The following PBRM1 variants were observed in gnomAD, a reference collection of about 807,000 sequenced individuals.
PBRM1 encodes the protein protein polybromo-1.
Under a neutral mutation model 194.5 loss-of-function variants are expected in PBRM1, and 27 were observed. That is an observed-to-expected ratio of 0.14 (90% CI 0.10 to 0.19). The LOEUF is 0.19. Among genes scored for constraint, PBRM1 ranks in the 10% least tolerant of loss-of-function variants. The pLI, the probability that PBRM1 is intolerant of heterozygous loss-of-function variation, is 1.00. For synonymous variants in PBRM1, 655 were observed against 693.2 expected, an observed-to-expected ratio of 0.94 and a Z score of 0.87; for missense variants, 1,466 against 2,077.2, an observed-to-expected ratio of 0.71 and a Z score of 5.72.
At chr3:52,627,056 T>G (rs1348676828) in intron 13 of PBRM1, among the ~76,000 whole-genome samples, 1 of 150,766 alleles carries the variant, frequency 6.6e-6, no homozygotes, top group Non-Finnish European at 1.5e-5. Context: ...AAGCTACATA[T>G]GTAGTAGTCA....
chr3:52,586,487 C>A, exon 20 of PBRM1: 1 of 1,614,154 alleles, frequency 6.2e-7, no homozygotes, highest in Non-Finnish European at 8.5e-7. Flanking sequence ...TTCTTCTCAT[C>A]ATCACCTTTA....
chr3:52,552,227 G>A (rs1401442603), intron 27 of PBRM1, among the ~76,000 whole-genome samples: 3 of 152,084 alleles, frequency 2.0e-5, no homozygotes, highest in Non-Finnish European at 2.9e-5. Context: ...TCCAGAACAC[G>A]GTGTGGCTCC....
chr3:52,658,022 AC>A (rs2096641883), intron 5 of PBRM1, among the ~76,000 whole-genome samples, 176 bp downstream of exon 6: 1 of 150,548 alleles, frequency 6.6e-6, no homozygotes, highest in South Asian at 2.1e-4. Context: ...CGAACTCCCA[AC>A]CTCAGATGAT....
In PBRM1 at chr3:52,632,726, T is replaced by A. The variant is rs370591753; in HGVS notation, c.1301+1876A>T. Among the ~76,000 whole-genome samples the A allele has an allele frequency of 1.5e-4, 23 of 150,202 alleles. No individual in the cohort carries two copies. In the East Asian group the frequency reaches 4.1e-3, roughly 27 times the overall value. The stretch of plus-strand genomic sequence containing the variant: ...TTTTAAGAGATGGAGTCTCACTCTG[T>A]CACCCAGGCTGGAGTGCAGTGGTGC... On this transcript the variant is annotated intron_variant, in intron 11 of 29. Transcript: ENST00000296302.
rs2092537312 is a variant in PBRM1 at position 52,587,342 on chromosome 3, G to A, written c.3123+11C>T. ...AATGAGTGAGACTTTGGGATTTAAT[G>A]AGTTTCTTACCTTGACAAACATGAC... On this transcript the variant is annotated intron_variant, in intron 19 of 29. Coordinates refer to ENST00000296302, the Ensembl canonical transcript of PBRM1. 3.2e-6 allele frequency: 5 copies of A among 1,579,726 alleles called. No individual in the cohort carries two copies. Among genetic ancestry groups the A allele is most frequent in the Admixed American group, 3.5e-5 (2 of 57,340 alleles).
chr3:52,676,649 G>C (rs1424083922), intron 2 of PBRM1, among the ~76,000 whole-genome samples: 1 of 152,186 alleles, frequency 6.6e-6, no homozygotes, highest in Non-Finnish European at 1.5e-5. Context: ...CTGCTGAAAA[G>C]ATACCCGAAA....
intron 22 of PBRM1, 28 bp from the exon 25 acceptor site, chr3:52,564,261 A>G: frequency 6.5e-7 from 1 of 1,549,618 alleles, no homozygotes. Flanking sequence ...AAAGAAATTA[A>G]AGGAGTAAAC....
At chr3:52,644,394 T>C (rs1455488322) in intron 8 of PBRM1, among the ~76,000 whole-genome samples, 1 of 148,852 alleles carries the variant, frequency 6.7e-6, no homozygotes, top group Non-Finnish European at 1.5e-5. Context: ...AGACATTTTC[T>C]TTTTTTTTTG....
At chr3:52,679,824 G>A (rs2154068291), upstream of PBRM1, 1 of 853,778 alleles carries the variant, frequency 1.2e-6, no homozygotes, top group African/African-American at 1.7e-5. Flanking sequence ...TCACTTAGGA[G>A]GATATTTTAA....
At chr3:52,664,513 A>G (rs948497663) in intron 3 of PBRM1, among the ~76,000 whole-genome samples, 3 of 151,662 alleles carry the variant, frequency 2.0e-5, no homozygotes. Context: ...AGGCGAGTGG[A>G]TCACCTGAGG....
intron 18 of PBRM1, among the ~76,000 whole-genome samples, chr3:52,588,820 T>G (rs1300729411): frequency 6.6e-6 from 1 of 152,140 alleles, no homozygotes; most frequent in African/African-American, 2.4e-5. Flanking sequence ...CCTCCCAAAG[T>G]GCTGGGATTA....
chr3:52,576,398 A>G (rs376635777), intron 22 of PBRM1, 143 bp downstream of exon 24: 41 of 517,816 alleles, frequency 7.9e-5, no homozygotes, highest in African/African-American at 6.3e-4. Context: ...TGACTCCCCA[A>G]TCTCTGCCCC....
intron 22 of PBRM1, among the ~76,000 whole-genome samples, chr3:52,569,165 A>G (rs2086242915): frequency 6.6e-6 from 1 of 151,622 alleles, no homozygotes; most frequent in Non-Finnish European, 1.5e-5. Flanking sequence ...TGGGATTGAT[A>G]ACAGGAGTGA....
intron 17 of PBRM1, among the ~76,000 whole-genome samples, chr3:52,591,817 C>CT (rs34822595): frequency 0.018 from 1,723 of 94,888 alleles, 49 homozygotes; most frequent in East Asian, 0.04. Flanking sequence ...TGCGCCCGGC[C>CT]TTTTTTTTTT....
Position 52,627,498 on chromosome 3 carries a change from G to GA in PBRM1, c.1444-129dup, listed in dbSNP as rs1251596945. 6.7e-6 allele frequency: 4 copies of GA among 597,126 alleles called. No homozygotes were observed. In the African/African-American group the frequency reaches 7.4e-5, roughly 11 times the overall value. The allele number at this position is 597,126 out of a possible 1,614,324, so 37.0% of individuals were successfully genotyped here. ...CAATCACATGCAGGATGTACAAAAT[G>GA]AAAGAGTCATTAAACATTTTCAATA... is the stretch of plus-strand genomic sequence containing the variant. On this transcript the variant is annotated intron_variant, in intron 12 of 29. Coordinates refer to ENST00000296302, the Ensembl canonical transcript of PBRM1.
chr3:52,576,794 T>C, intron 21 of PBRM1, 96 bp from the exon 24 acceptor site: 1 of 864,478 alleles, frequency 1.2e-6, no homozygotes, highest in Non-Finnish European at 1.8e-6. Flanking sequence ...TAGTAATGTG[T>C]ACCATTCAGA....
chr3:52,661,889 A>G (rs2096733143), intron 4 of PBRM1, among the ~76,000 whole-genome samples: 1 of 152,230 alleles, frequency 6.6e-6, no homozygotes, highest in Non-Finnish European at 1.5e-5. Flanking sequence ...CTGAGCAGGA[A>G]ATATGCATTA....
chr3:52,605,952 T>C (rs915678292), intron 16 of PBRM1, among the ~76,000 whole-genome samples: 20 of 151,802 alleles, frequency 1.3e-4, no homozygotes, highest in South Asian at 4.2e-4. Context: ...CTAATACTTG[T>C]AGGAAAGCAA....
exon 21 of PBRM1, chr3:52,579,116 C>A (rs2153685829): frequency 6.2e-7 from 1 of 1,614,174 alleles, no homozygotes; most frequent in Non-Finnish European, 8.5e-7. Context: ...CAACCTTCAG[C>A]CACATGTCAT....
Sources: allele counts gnomAD v4.1 joint callset (sites outside exome capture counted in the v4.1 genomes callset), GRCh38; gene constraint gnomAD v4.1.1; transcripts MANE v1.5; gene names NCBI Gene and HGNC (gene_info 2026-07-23, HGNC 2026-07-21).